SNTG1: variants seen among roughly 807,000 people sequenced by gnomAD.
SNTG1 encodes the protein gamma-1-syntrophin.
In SNTG1, 39 loss-of-function variants were observed where a neutral mutation model predicts 74.7. That is an observed-to-expected ratio of 0.52 (90% CI 0.40 to 0.68). SNTG1 has a LOEUF of 0.68. Among genes scored for constraint, SNTG1 ranks in the 30% least tolerant of loss-of-function variants. The probability of loss-of-function intolerance (pLI) is 0.00; values close to 1 mark genes in which losing one functional copy is unlikely to be tolerated. For missense variants in SNTG1, 685 were observed against 609.5 expected (o/e 1.12, Z -1.30); for synonymous variants, 254 against 217.1 (o/e 1.17, Z -1.49).
At chr8:50,144,490 T>C (rs942216140) in intron 1 of SNTG1, among the ~76,000 whole-genome samples, 1 of 152,182 alleles carries the variant, frequency 6.6e-6, no homozygotes, top group African/African-American at 2.4e-5. Flanking sequence ...AGGAAGAATT[T>C]CCATGGGTTA....
intron 9 of SNTG1, among the ~76,000 whole-genome samples, chr8:50,512,731 A>G (rs1009449120): frequency 2.0e-5 from 3 of 152,030 alleles, no homozygotes; most frequent in South Asian, 2.1e-4. Flanking sequence ...TTGTGCATTC[A>G]TCATGTAGTT....
At chr8:50,370,206 A>C (rs1563952666) in intron 2 of SNTG1, among the ~76,000 whole-genome samples, 1 of 152,208 alleles carries the variant, frequency 6.6e-6, no homozygotes, top group Admixed American at 6.5e-5. Context: ...CATAAATGAC[A>C]TGAAAGATTC....
At chr8:50,603,246 T>C (rs2094788252) in intron 13 of SNTG1, among the ~76,000 whole-genome samples, 1 of 152,230 alleles carries the variant, frequency 6.6e-6, no homozygotes, top group Admixed American at 6.5e-5. Flanking sequence ...TAACCTGTCA[T>C]CAAGGTCACT....
intron 2 of SNTG1, among the ~76,000 whole-genome samples, chr8:50,253,653 A>G (rs2086745287): frequency 7.0e-6 from 1 of 143,328 alleles, no homozygotes; most frequent in South Asian, 2.3e-4. Context: ...ACACACATAT[A>G]TATGTATACA....
chr8:49,935,272 G>A (rs1003523693), intron 1 of SNTG1, among the ~76,000 whole-genome samples: 13 of 148,600 alleles, frequency 8.7e-5, no homozygotes, highest in African/African-American at 2.7e-4. Flanking sequence ...TGAATGTTCC[G>A]ATGACATCTT....
chr8:50,275,697 A>G (rs1350649891), intron 2 of SNTG1, among the ~76,000 whole-genome samples: 1 of 152,148 alleles, frequency 6.6e-6, no homozygotes, highest in Admixed American at 6.5e-5. Context: ...CTTTACCTTC[A>G]AGCTTCACCA....
intron 13 of SNTG1, among the ~76,000 whole-genome samples, chr8:50,611,093 C>G (rs1225867843): frequency 2.0e-5 from 3 of 152,096 alleles, no homozygotes; most frequent in Non-Finnish European, 2.9e-5. Flanking sequence ...GAGGCACTAA[C>G]TCGGCCTGAA....
intron 2 of SNTG1, among the ~76,000 whole-genome samples, chr8:50,193,390 T>G: frequency 6.6e-6 from 1 of 151,932 alleles, no homozygotes; most frequent in East Asian, 1.9e-4. Context: ...CCCAAGTTGT[T>G]TTTTTGTTTT....
At chr8:50,700,851 T>C (rs2095421136) in intron 15 of SNTG1, among the ~76,000 whole-genome samples, 1 of 152,178 alleles carries the variant, frequency 6.6e-6, no homozygotes, top group South Asian at 2.1e-4. Context: ...TCATGAGAAG[T>C]ATATTATAAA....
At chr8:50,585,287 C>A (rs901257469) in intron 12 of SNTG1, among the ~76,000 whole-genome samples, 1 of 152,048 alleles carries the variant, frequency 6.6e-6, no homozygotes, top group Non-Finnish European at 1.5e-5. Context: ...GTTGGGCAAC[C>A]CTGGTCTAAG....
At chr8:50,108,569 C>A (rs1488361705) in intron 1 of SNTG1, among the ~76,000 whole-genome samples, 1 of 152,080 alleles carries the variant, frequency 6.6e-6, no homozygotes, top group African/African-American at 2.4e-5. Flanking sequence ...AAGGGAAAAA[C>A]CCCCACAAAA....
intron 16 of SNTG1, chr8:50,707,940 C>G: frequency 2.6e-6 from 1 of 390,876 alleles, no homozygotes; most frequent in East Asian, 3.6e-5. Flanking sequence ...CAGTGGCTCA[C>G]GCCTGTAATC....
chr8:50,730,040 A>C (rs1248943989), intron 17 of SNTG1, among the ~76,000 whole-genome samples: 2 of 152,198 alleles, frequency 1.3e-5, no homozygotes, highest in African/African-American at 2.4e-5. Flanking sequence ...TGGATAAGAA[A>C]AAATGAGAGC....
intron 1 of SNTG1, among the ~76,000 whole-genome samples, chr8:49,971,686 T>C (rs1811689875): frequency 6.6e-6 from 1 of 152,170 alleles, no homozygotes; most frequent in Non-Finnish European, 1.5e-5. Context: ...ACAAAATCAA[T>C]GTGCAAAAAT....
chr8:50,339,327 A>G (rs2091247547), intron 2 of SNTG1, among the ~76,000 whole-genome samples: 1 of 152,054 alleles, frequency 6.6e-6, no homozygotes, highest in Non-Finnish European at 1.5e-5. Flanking sequence ...GAAAAATGAT[A>G]TGGGTCAGTA....
intron 1 of SNTG1, among the ~76,000 whole-genome samples, chr8:50,105,535 T>A (rs1191628359): frequency 2.0e-5 from 3 of 152,066 alleles, no homozygotes; most frequent in African/African-American, 7.2e-5. Context: ...TGGGCTCTTT[T>A]TTGTCTTCAA....
At chr8:50,312,314 G>A (rs2090144236) in intron 2 of SNTG1, among the ~76,000 whole-genome samples, 1 of 152,062 alleles carries the variant, frequency 6.6e-6, no homozygotes, top group Non-Finnish European at 1.5e-5. Flanking sequence ...TCCAAGGAGA[G>A]GGATGCTTAG....
chr8:50,050,778 C>A (rs1412705631), intron 1 of SNTG1, among the ~76,000 whole-genome samples: 1 of 151,934 alleles, frequency 6.6e-6, no homozygotes, highest in African/African-American at 2.4e-5. Flanking sequence ...TGTAAACACA[C>A]AAATCTTCAA....
intron 2 of SNTG1, among the ~76,000 whole-genome samples, chr8:50,215,555 T>C (rs1333455861): frequency 6.6e-6 from 1 of 150,414 alleles, no homozygotes; most frequent in Non-Finnish European, 1.5e-5. Context: ...ATTATAATTG[T>C]TATTTCAAGT....
Sources: gnomAD v4.1 joint callset for allele counts (sites outside exome capture counted in the v4.1 genomes callset) on GRCh38, gnomAD v4.1.1 for gene constraint, MANE v1.5 for transcripts, NCBI Gene and HGNC (gene_info 2026-07-23, HGNC 2026-07-21) for gene names.